Variants in HIPK2 observed in about 807,000 individuals in gnomAD.
HIPK2 encodes homeodomain-interacting protein kinase 2.
In HIPK2, 27 loss-of-function variants were observed where a neutral mutation model predicts 113.7. That is an observed-to-expected ratio of 0.24 (90% CI 0.17 to 0.33). The LOEUF (loss-of-function observed/expected upper bound fraction) is 0.33, where lower values mean the gene tolerates loss of function less well. Among genes scored for constraint, HIPK2 ranks in the 10% least tolerant of loss-of-function variants. HIPK2 has a pLI of 1.00. For synonymous variants in HIPK2, 631 were observed against 642.2 expected (o/e 0.98, Z 0.26); for missense variants, 1,257 against 1,588.0 (o/e 0.79, Z 3.54).
At chr7:139,659,292 C>T (rs1801783464) in intron 2 of HIPK2, among the ~76,000 whole-genome samples, 1 of 152,226 alleles carries the variant, frequency 6.6e-6, no homozygotes. Flanking sequence ...ACCAAATTTT[C>T]TACTCTAAAA....
At chr7:139,719,417 C>CAA (rs1795343333) in intron 1 of HIPK2, among the ~76,000 whole-genome samples, 1 of 152,118 alleles carries the variant, frequency 6.6e-6, no homozygotes, top group African/African-American at 2.4e-5. Flanking sequence ...TTCCTCCTTT[C>CAA]AAATGTTGGC....
chr7:139,608,252 CGTGTGTGTGTGTGTGT>C (rs55989071), intron 9 of HIPK2, among the ~76,000 whole-genome samples: 4 of 136,964 alleles, frequency 2.9e-5, no homozygotes, highest in African/African-American at 1.1e-4. Flanking sequence ...CAAAAAAATA[CGTGTGTGTGTGTGTGT>C]GTGTGTGTGT....
At chr7:139,748,360 G>GT in intron 1 of HIPK2, among the ~76,000 whole-genome samples, 1 of 152,094 alleles carries the variant, frequency 6.6e-6, no homozygotes, top group South Asian at 2.1e-4. Flanking sequence ...ATTTGGCCTA[G>GT]TATAACACAG....
chr7:139,765,784 T>C (rs1489161603), intron 1 of HIPK2, among the ~76,000 whole-genome samples: 1 of 152,192 alleles, frequency 6.6e-6, no homozygotes, highest in African/African-American at 2.4e-5. Context: ...TCACAGACTA[T>C]GGAACCTGAA....
At chr7:139,694,428 C>T (rs1034614617) in intron 2 of HIPK2, among the ~76,000 whole-genome samples, 4 of 151,906 alleles carry the variant, frequency 2.6e-5, no homozygotes, top group African/African-American at 2.4e-5. Flanking sequence ...CTCAGAGCTC[C>T]GACAGGTGTC....
chr7:139,698,342 C>T (rs1001808616), intron 2 of HIPK2, among the ~76,000 whole-genome samples: 14 of 152,214 alleles, frequency 9.2e-5, no homozygotes, highest in Non-Finnish European at 2.9e-5. Context: ...CCACCATTTG[C>T]ATATACGTTC....
At chr7:139,749,390 C>A (rs182505596) in intron 1 of HIPK2, among the ~76,000 whole-genome samples, 22 of 152,282 alleles carry the variant, frequency 1.4e-4, no homozygotes, top group Non-Finnish European at 3.1e-4. Flanking sequence ...ACAGAAAAAA[C>A]CAATAAGCTT....
intron 12 of HIPK2, among the ~76,000 whole-genome samples, chr7:139,588,513 TAA>T (rs767272668): frequency 2.0e-4 from 25 of 124,870 alleles, no homozygotes; most frequent in Middle Eastern, 3.8e-3. Context: ...CAGACTGTCT[TAA>T]AAAAAAAAAA....
At chr7:139,712,324 G>A (rs991095110) in intron 2 of HIPK2, among the ~76,000 whole-genome samples, 2 of 152,214 alleles carry the variant, frequency 1.3e-5, no homozygotes, top group Non-Finnish European at 2.9e-5. Context: ...CCCAAGGCGA[G>A]GATAACATAT....
At chr7:139,642,894 T>A (rs1205777014) in intron 2 of HIPK2, among the ~76,000 whole-genome samples, 1 of 152,122 alleles carries the variant, frequency 6.6e-6, no homozygotes, top group Admixed American at 6.5e-5. Flanking sequence ...TTTGCCTGGT[T>A]ATAAGCTGAA....
Position 139,592,440 on chromosome 7 carries a change from TA to T in HIPK2, c.2717+4276del, listed in dbSNP as rs1799059099. Among the ~76,000 whole-genome samples, 5 of 152,286 alleles carry T rather than the reference TA, an allele frequency of 3.3e-5. No homozygotes were observed. In the South Asian group the frequency reaches 1.0e-3, roughly 32 times the overall value. ...TGTGAACCACTTTGGTTTACACACT[TA>T]AAAAATTACTCTCGGCCAGGCATGG... On this transcript the variant is annotated intron_variant, in intron 12 of 14. Transcript: ENST00000406875.
At chr7:139,583,346 C>T (rs1437458700) in intron 13 of HIPK2, among the ~76,000 whole-genome samples, 2 of 152,194 alleles carry the variant, frequency 1.3e-5, no homozygotes, top group South Asian at 2.1e-4. Context: ...TCTCGCCGCC[C>T]AGCAGCTGAT....
At chr7:139,718,019 C>T (rs183364565) in intron 1 of HIPK2, among the ~76,000 whole-genome samples, 37 of 152,320 alleles carry the variant, frequency 2.4e-4, no homozygotes, top group Middle Eastern at 3.4e-3. Flanking sequence ...GCTGGGATTA[C>T]AGACGTGAGC....
intron 1 of HIPK2, among the ~76,000 whole-genome samples, chr7:139,726,007 AC>A (rs1795564423): frequency 6.6e-6 from 1 of 152,234 alleles, no homozygotes; most frequent in Admixed American, 6.5e-5. Flanking sequence ...ACAGACTGAA[AC>A]TACAGGACGC....
At chr7:139,629,133 C>A in intron 4 of HIPK2, 94 bp from the exon 5 acceptor site, 1 of 970,556 alleles carries the variant, frequency 1.0e-6, no homozygotes, top group Non-Finnish European at 1.6e-6. Context: ...CAGAGGGTCT[C>A]TTTCCCACAT....
At chr7:139,669,560 T>A (rs756292222) in intron 2 of HIPK2, among the ~76,000 whole-genome samples, 61 of 142,722 alleles carry the variant, frequency 4.3e-4, no homozygotes, top group Non-Finnish European at 6.7e-4. Context: ...ATCTGGCAAA[T>A]AGAGATGAGC....
chr7:139,652,569 G>A (rs925434897), intron 2 of HIPK2, among the ~76,000 whole-genome samples: 4 of 152,182 alleles, frequency 2.6e-5, no homozygotes, highest in African/African-American at 9.7e-5. Flanking sequence ...TTTAGAGGGA[G>A]CAATCTCTCT....
At chr7:139,724,108 C>A (rs2116992505) in intron 1 of HIPK2, among the ~76,000 whole-genome samples, 1 of 147,818 alleles carries the variant, frequency 6.8e-6, no homozygotes, top group South Asian at 2.1e-4. Context: ...TAAGACATAA[C>A]AAAATTATAG....
Position 139,649,810 on chromosome 7 carries a change from G to A in HIPK2, c.1104-18085C>T, listed in dbSNP as rs149324510. Among the ~76,000 whole-genome samples the A allele has an allele frequency of 4.4e-3, 671 of 152,168 alleles. 6 individuals are homozygous for A. Among genetic ancestry groups the A allele is most frequent in the African/African-American group, 0.015 (631 of 41,514 alleles). On this transcript the variant is annotated intron_variant, in intron 2 of 14. Transcript: ENST00000406875. Reference sequence around the variant, plus strand: ...TTTTCCTTTCAAATCTTTACAAAACGTTAGGTTTAGTAGAGAAGTTGGTTA... The same window carrying A: ...TTTTCCTTTCAAATCTTTACAAAACATTAGGTTTAGTAGAGAAGTTGGTTA...
Sources: gnomAD v4.1 joint callset for allele counts (sites outside exome capture counted in the v4.1 genomes callset) on GRCh38, gnomAD v4.1.1 for gene constraint, MANE v1.5 for transcripts, NCBI Gene and HGNC (gene_info 2026-07-23, HGNC 2026-07-21) for gene names.